Variants in ZNF554 observed in about 807,000 individuals in gnomAD.
The protein encoded by ZNF554 is zinc finger protein 554.
ZNF554 carries 15 observed loss-of-function variants against 21.2 expected under a neutral mutation model. That is an observed-to-expected ratio of 0.71 (90% CI 0.47 to 1.09). The LOEUF (loss-of-function observed/expected upper bound fraction) is 1.09. ZNF554 is among the 50% of genes least tolerant of loss of function. The probability of loss-of-function intolerance (pLI) is 0.00; values close to 1 mark genes in which losing one functional copy is unlikely to be tolerated. For missense variants in ZNF554, 691 were observed against 662.7 expected (o/e 1.04, Z -0.47); for synonymous variants, 258 against 251.4 (o/e 1.03, Z -0.25).
chr19:2,834,354 T>C lies in ZNF554; in HGVS notation c.1119T>C (p.Thr373=). ...CCACCCTCACGCGCCATCTGAGAAC[T>C]CATACTGGAGAGAAGCCCTACGGGT... ...HSSTLTRHLR[T]HTGEKPYGCG... Residue 373 remains threonine, a synonymous_variant, in exon 5 of 5, where the codon ACT becomes ACC. Transcript: ENST00000317243. 2 of 1,613,908 alleles carry C rather than the reference T, an allele frequency of 1.2e-6. No individual in the cohort carries two copies. The highest frequency in any genetic ancestry group is 1.7e-6 in the Non-Finnish European group (2 of 1,179,966).
rs2087480282 is a variant in ZNF554 at position 2,834,903 on chromosome 19, G to T, written c.*51G>T. Reference sequence around the variant, plus strand: ...CTTTTTAGTACTCTGACACATACATGTGGTTATCTTTTGCCCTGTTGTGAT... The same window carrying T: ...CTTTTTAGTACTCTGACACATACATTTGGTTATCTTTTGCCCTGTTGTGAT... On this transcript the variant is annotated 3_prime_UTR_variant, in exon 5 of 5. Transcript: ENST00000317243. 2 of 1,477,458 alleles carry T rather than the reference G, an allele frequency of 1.4e-6. No individual in the cohort carries two copies. Among genetic ancestry groups the T allele is most frequent in the East Asian group, 4.6e-5 (2 of 43,864 alleles). 91.5% of individuals were successfully genotyped at this position (1,477,458 alleles called of 1,614,324 possible). A position where few individuals can be genotyped will look rare whatever the true frequency, so the allele number is the denominator to read the frequency against.
chr19:2,823,057 C>T lies in ZNF554; in HGVS notation c.71C>T (p.Thr24Ile). ...CCCCACAGCTCTGCCTGCCCAGGAA[C>T]CTGCTTTTCCCAAGAGGAGAGAATG... ...PAAQPSACPG[T>I]CFSQEERMAA... Residue 24 changes from threonine to isoleucine, a missense_variant, in exon 2 of 5, where the codon ACC (threonine) becomes ATC (isoleucine). Transcript: ENST00000317243. The T allele has an allele frequency of 6.2e-7, 1 of 1,613,648 alleles. No homozygotes were observed. Among genetic ancestry groups the T allele is most frequent in the Non-Finnish European group, 8.5e-7 (1 of 1,179,648 alleles).
intron 1 of ZNF554, 135 bp from the exon 2 acceptor site, chr19:2,822,905 G>T: frequency 2.6e-6 from 2 of 775,554 alleles, no homozygotes; most frequent in Non-Finnish European, 4.1e-6. Context: ...TTCAGTCCTG[G>T]GTTCTGGCTT....
rs2087265199 is a variant in ZNF554 at position 2,821,632 on chromosome 19, G to A, written c.54-1408G>A. ...CTCCAAGCTCTGCCTGCATCATCAT[G>A]TGGCCTTCTTCCCTGTGTCTCTTTC... On this transcript the variant is annotated intron_variant, in intron 1 of 4. Coordinates refer to ENST00000317243, the MANE Select transcript of ZNF554 (RefSeq NM_001102651.2). This position sits in a 1 kb window ranked among gnomAD's most constrained non-coding sequence, Gnocchi z 8.2. 6.6e-6 allele frequency among the ~76,000 whole-genome samples: 1 copy of A among 151,786 alleles called. No individual in the cohort carries two copies. Among genetic ancestry groups the A allele is most frequent in the South Asian group, 2.1e-4 (1 of 4,834 alleles).
intron 3 of ZNF554, among the ~76,000 whole-genome samples, chr19:2,830,162 C>T (rs1219413936): frequency 6.6e-6 from 1 of 152,152 alleles, no homozygotes; most frequent in East Asian, 1.9e-4. Flanking sequence ...GTCTCAATCT[C>T]CTGACCTTGT....
intron 3 of ZNF554, 77 bp from the exon 4 acceptor site, chr19:2,832,226 C>G (rs1393114609): frequency 2.1e-6 from 3 of 1,434,682 alleles, no homozygotes; most frequent in South Asian, 1.4e-5. Context: ...ATGCCTGGCA[C>G]AGATCTGTAA....
At chr19:2,824,543 A>T (rs1019459671) in intron 2 of ZNF554, among the ~76,000 whole-genome samples, 4 of 152,242 alleles carry the variant, frequency 2.6e-5, no homozygotes, top group African/African-American at 9.6e-5. Context: ...ACCTGAAAGA[A>T]TATTTCTGTA....
chr19:2,819,941 G>C lies in ZNF554; in HGVS notation c.-131G>C, dbSNP rs1423641460. 3.0e-6 allele frequency: 2 copies of C among 662,014 alleles called. No individual in the cohort carries two copies. Among genetic ancestry groups the C allele is most frequent in the African/African-American group, 3.8e-5 (2 of 52,196 alleles). The allele number at this position is 662,014 out of a possible 1,614,324, so 41.0% of individuals were successfully genotyped here. ...GGCGAGTTCCTGAGGGGCGCCTGCG[G>C]GGGGCGTCCGCTCCGAGCGCCGAGG... On this transcript the variant is annotated 5_prime_UTR_variant, in exon 1 of 5. Coordinates refer to ENST00000317243, the MANE Select transcript of ZNF554 (RefSeq NM_001102651.2).
In ZNF554 at chr19:2,836,279, C is replaced by T. The variant is rs1273437004; in HGVS notation, c.*1427C>T. Among the ~76,000 whole-genome samples the T allele has an allele frequency of 2.8e-5, 4 of 143,734 alleles. No homozygotes were observed. The East Asian group carries it at 8.4e-4, about 30-fold the overall frequency. The allele number at this position is 143,734 out of a possible 152,430, so 94.3% of individuals were successfully genotyped here. Reference sequence around the variant, plus strand: ...TGAGCCACTGTGCTGGGATTACGGGCGCGAGCCACTGTGCTGGGATTACAG... The same window carrying T: ...TGAGCCACTGTGCTGGGATTACGGGTGCGAGCCACTGTGCTGGGATTACAG... On this transcript the variant is annotated 3_prime_UTR_variant, in exon 5 of 5. Coordinates refer to ENST00000317243, the MANE Select transcript of ZNF554 (RefSeq NM_001102651.2).
At position 2,836,147 on chromosome 19, in the gene ZNF554, A is replaced by AGCTGCCCAT. The variant is rs2087494081; in HGVS notation, c.*1297_*1298insTGCCCATGC. On this transcript the variant is annotated 3_prime_UTR_variant, in exon 5 of 5. Transcript: ENST00000317243. Reference sequence around the variant, plus strand: ...CCACCGTGCTGGTATTACGGGTGTGAGCCACTGTGCTGGGATTACGGGCGT... The same window carrying AGCTGCCCAT: ...CCACCGTGCTGGTATTACGGGTGTGAGCTGCCCATGCCACTGTGCTGGGATTACGGGCGT... 2.0e-5 allele frequency among the ~76,000 whole-genome samples: 3 copies of AGCTGCCCAT among 150,406 alleles called. No individual in the cohort carries two copies. Among genetic ancestry groups the AGCTGCCCAT allele is most frequent in the Admixed American group, 6.7e-5 (1 of 14,828 alleles).
chr19:2,825,962 G>A (rs911598321), intron 2 of ZNF554, among the ~76,000 whole-genome samples: 5 of 151,832 alleles, frequency 3.3e-5, no homozygotes, highest in African/African-American at 4.8e-5. Flanking sequence ...GTGCAGTGGC[G>A]TGATCTTGGT....
At chr19:2,826,883 C>G (rs1349732547) in intron 2 of ZNF554, among the ~76,000 whole-genome samples, 1 of 152,000 alleles carries the variant, frequency 6.6e-6, no homozygotes, top group Non-Finnish European at 1.5e-5. Flanking sequence ...AGGATGGTCT[C>G]GATCTCCTGA....
At position 2,833,878 on chromosome 19, in the gene ZNF554, AAGGC is replaced by A; in HGVS notation, c.644_647del (p.Lys215IlefsTer13). On this transcript the variant is annotated frameshift_variant, in exon 5 of 5. Transcript: ENST00000317243. LOFTEE classifies it low-confidence loss of function (END_TRUNC). ...TCACGTAGTGGCCGTTCCTCAGGAG[AAGGC>A]TACTGCATGGCATGGATTTGGGGAA... 1 of 1,613,236 alleles carries A rather than the reference AAGGC, an allele frequency of 6.2e-7. No homozygotes were observed. The highest frequency in any genetic ancestry group is 8.5e-7 in the Non-Finnish European group (1 of 1,179,338).
intron 1 of ZNF554, among the ~76,000 whole-genome samples, chr19:2,822,496 G>T (rs995201278): frequency 6.6e-6 from 1 of 152,176 alleles, no homozygotes; most frequent in Non-Finnish European, 1.5e-5. Context: ...TGCATGGAGC[G>T]CTTCACTTCC....
At chr19:2,829,493 C>T (rs1373071721) in intron 3 of ZNF554, among the ~76,000 whole-genome samples, 1 of 151,304 alleles carries the variant, frequency 6.6e-6, no homozygotes, top group Admixed American at 6.6e-5. Context: ...CAAAATTAGC[C>T]AGGCGTGGTG....
At chr19:2,820,726 A>C (rs2087251925) in intron 1 of ZNF554, among the ~76,000 whole-genome samples, 1 of 126,426 alleles carries the variant, frequency 7.9e-6, no homozygotes, top group South Asian at 2.5e-4. Flanking sequence ...GTGCAATGGC[A>C]TGATCTCGGC....
chr19:2,830,563 T>A (rs1020322101), intron 3 of ZNF554: 2 of 152,150 alleles, frequency 1.3e-5, no homozygotes, highest in Admixed American at 6.5e-5. Flanking sequence ...TGTTTAGAAT[T>A]TAGCTTTTTC....
chr19:2,824,400 G>T (rs2087301977), intron 2 of ZNF554, among the ~76,000 whole-genome samples: 1 of 152,186 alleles, frequency 6.6e-6, no homozygotes, highest in African/African-American at 2.4e-5. Context: ...CTAGCTCCAT[G>T]GAGTGTGCAG....
At chr19:2,831,229 T>A (rs2087412142) in intron 3 of ZNF554, 6 of 152,190 alleles carry the variant, frequency 3.9e-5, no homozygotes, top group Admixed American at 3.9e-4. Context: ...ATTCCCCTAA[T>A]GACCAATGAC....
Sources: allele counts gnomAD v4.1 joint callset (sites outside exome capture counted in the v4.1 genomes callset), GRCh38; gene constraint gnomAD v4.1.1; non-coding constraint Gnocchi (gnomAD v3.1); transcripts MANE v1.5; gene names NCBI Gene and HGNC (gene_info 2026-07-23, HGNC 2026-07-21).